The following COL24A1 variants were observed in gnomAD, a reference collection of about 807,000 sequenced individuals.
The protein encoded by COL24A1 is collagen type XXIV alpha 1 chain, also known as collagen alpha-1(XXIV) chain.
A neutral mutation model predicts 253.9 loss-of-function variants in COL24A1; 224 were observed. That is an observed-to-expected ratio of 0.88 (90% CI 0.79 to 0.99). COL24A1 has a LOEUF of 0.99. Among genes scored for constraint, COL24A1 ranks in the 50% least tolerant of loss-of-function variants. The probability of loss-of-function intolerance (pLI) is 0.00; values close to 1 mark genes in which losing one functional copy is unlikely to be tolerated. For missense variants in COL24A1, 2,131 were observed against 2,068.5 expected (o/e 1.03, Z -0.59); for synonymous variants, 685 against 673.7 (o/e 1.02, Z -0.26).
intron 10 of COL24A1, among the ~76,000 whole-genome samples, chr1:86,055,615 C>A (rs1245676894): frequency 6.6e-6 from 1 of 152,134 alleles, no homozygotes; most frequent in East Asian, 1.9e-4. Flanking sequence ...AGTTATTGAA[C>A]AGAAGACACT....
chr1:86,142,760 G>T (rs951852498), intron 2 of COL24A1, among the ~76,000 whole-genome samples: 3 of 152,026 alleles, frequency 2.0e-5, no homozygotes, highest in Non-Finnish European at 1.5e-5. Context: ...AAAACATAAC[G>T]CAGGAAAATT....
At chr1:85,734,443 C>T in intron 59 of COL24A1, among the ~76,000 whole-genome samples, 1 of 152,132 alleles carries the variant, frequency 6.6e-6, no homozygotes, top group East Asian at 1.9e-4. Context: ...ATCTATCTGT[C>T]TATCTATCCA....
intron 19 of COL24A1, among the ~76,000 whole-genome samples, chr1:86,008,776 A>G (rs1696213877): frequency 6.6e-6 from 1 of 152,194 alleles, no homozygotes; most frequent in African/African-American, 2.4e-5. Flanking sequence ...ACTAAAAAAA[A>G]AGAAACCATT....
intron 14 of COL24A1, chr1:86,030,681 G>A (rs938747060): frequency 6.6e-6 from 1 of 152,172 alleles, no homozygotes; most frequent in Non-Finnish European, 1.5e-5. Context: ...GAAACTAAAT[G>A]GCAGGGAGGG....
intron 7 of COL24A1, among the ~76,000 whole-genome samples, chr1:86,071,855 G>T (rs186935981): frequency 7.2e-5 from 11 of 152,198 alleles, no homozygotes; most frequent in African/African-American, 2.4e-4. Flanking sequence ...GCAGCCCATG[G>T]AGGGCAAGCA....
chr1:85,896,380 C>T lies in COL24A1; in HGVS notation c.2808G>A (p.Gly936=), dbSNP rs746260386. 22 of 1,613,440 alleles carry T rather than the reference C, an allele frequency of 1.4e-5. No homozygotes were observed. The highest frequency in any genetic ancestry group is 1.6e-4 in the Middle Eastern group (1 of 6,062). Residue 936 remains glycine (G), a synonymous_variant, in exon 29 of 60, where the codon GGG becomes GGA. Transcript: ENST00000370571. ...RGSRGPDGLL[G]EQGIQGAKGE... ...CCTTGGCACCTTGTATACCTTGTTC[C>T]CCTAAGAGACCATCTGGTCCTCTTG... is the stretch of plus-strand genomic sequence containing the variant.
chr1:85,858,522 A>G (rs945304470), intron 37 of COL24A1, among the ~76,000 whole-genome samples: 7 of 152,066 alleles, frequency 4.6e-5, no homozygotes, highest in African/African-American at 1.7e-4. Flanking sequence ...GCCTGGCTCA[A>G]TGCAGCCTCA....
intron 5 of COL24A1, among the ~76,000 whole-genome samples, chr1:86,096,088 C>T (rs1210870195): frequency 2.0e-5 from 3 of 151,998 alleles, no homozygotes; most frequent in African/African-American, 4.8e-5. Flanking sequence ...TCTGTAAACT[C>T]GTATTAATAA....
chr1:85,818,044 G>T lies in COL24A1; in HGVS notation c.3833C>A (p.Pro1278His), dbSNP rs1212773105. ...KKGAPGPSGK[P>H]GIPGLQGLLG... ...AGGCCTGTTACTTACAGGAATCCCA[G>T]GTTTCCCAGAAGGACCAGGAGCTCC... is the stretch of plus-strand genomic sequence containing the variant. The change falls in exon 46 of 60, where the codon CCT (proline) becomes CAT (histidine). Residue 1278 changes from proline (P) to histidine (H), a missense_variant. Physicochemically the swap from Pro to His is moderately conservative, Grantham distance 77. Transcript: ENST00000370571. The T allele has an allele frequency of 6.2e-7, 1 of 1,613,570 alleles. No homozygotes were observed.
In COL24A1 at chr1:86,156,362, T is replaced by A; in HGVS notation, c.35A>T (p.Lys12Ile). ...TTACGTTTTTGCCGTGGGGGAGACTTTTCCACGCCTTGTTCTGTGGGCTCT... is the reference window on the plus strand; with the variant it reads ...TTACGTTTTTGCCGTGGGGGAGACTATTCCACGCCTTGTTCTGTGGGCTCT... ...HLRAHRTRRG[K>I]VSPTAKTKSL... The change falls in exon 1 of 60, where the codon AAA (lysine) becomes ATA (isoleucine). Residue 12 changes from lysine (K) to isoleucine (I), a missense_variant. Lys to Ile is a moderately radical substitution (Grantham distance 102). Coordinates refer to ENST00000370571, the MANE Select transcript of COL24A1 (RefSeq NM_152890.7). 6.2e-7 allele frequency: 1 copy of A among 1,612,872 alleles called. No individual in the cohort carries two copies. Among genetic ancestry groups the A allele is most frequent in the Non-Finnish European group, 8.5e-7 (1 of 1,179,506 alleles).
rs187279475 is a variant in COL24A1 at position 85,947,185 on chromosome 1, A to C, written c.2562+14064T>G. Among the ~76,000 whole-genome samples the C allele has an allele frequency of 1.8e-3, 279 of 152,368 alleles. 1 individual carries two copies. Among genetic ancestry groups the C allele is most frequent in the Non-Finnish European group, 3.1e-3 (210 of 68,036 alleles). ...TGTTTTAGATTTACCTACTAAAACTAGATGAGCACAAAGTGGTCTTGACAA... is the reference window on the plus strand; with the variant it reads ...TGTTTTAGATTTACCTACTAAAACTCGATGAGCACAAAGTGGTCTTGACAA... On this transcript the variant is annotated intron_variant, in intron 24 of 59. Transcript: ENST00000370571.
intron 32 of COL24A1, among the ~76,000 whole-genome samples, chr1:85,886,721 A>G (rs1175594757): frequency 1.3e-5 from 2 of 152,126 alleles, no homozygotes; most frequent in Non-Finnish European, 2.9e-5. Context: ...TGTATTTCTC[A>G]TTATATCTGT....
At chr1:85,882,378 T>A (rs1681953151) in intron 32 of COL24A1, among the ~76,000 whole-genome samples, 1 of 151,976 alleles carries the variant, frequency 6.6e-6, no homozygotes. Context: ...GGAAGGAGAA[T>A]GGCGCGAACC....
intron 24 of COL24A1, among the ~76,000 whole-genome samples, chr1:85,948,802 T>C (rs1689604231): frequency 6.6e-6 from 1 of 151,392 alleles, no homozygotes; most frequent in African/African-American, 2.4e-5. Context: ...TTGATGAACA[T>C]TGATGCAAGC....
chr1:85,979,581 T>TA (rs1693036320), intron 20 of COL24A1, among the ~76,000 whole-genome samples: 1 of 151,948 alleles, frequency 6.6e-6, no homozygotes, highest in Non-Finnish European at 1.5e-5. Flanking sequence ...CTAGAAAACT[T>TA]AGAGGAGATG....
intron 38 of COL24A1, among the ~76,000 whole-genome samples, chr1:85,849,027 G>A (rs1383354895): frequency 6.6e-6 from 1 of 152,088 alleles, no homozygotes; most frequent in Non-Finnish European, 1.5e-5. Flanking sequence ...AGTTGTCATT[G>A]AAAAGCACAA....
intron 19 of COL24A1, among the ~76,000 whole-genome samples, chr1:86,002,980 C>T (rs1004556176): frequency 1.3e-5 from 2 of 152,134 alleles, no homozygotes; most frequent in African/African-American, 4.8e-5. Context: ...AGGGCAACAT[C>T]ATAAGTCTAG....
At chr1:86,001,373 C>G (rs1269027621) in intron 19 of COL24A1, among the ~76,000 whole-genome samples, 2 of 152,180 alleles carry the variant, frequency 1.3e-5, no homozygotes, top group African/African-American at 4.8e-5. Context: ...AACTAGAAGT[C>G]ACTAGCAAGA....
chr1:85,797,897 A>G (rs1671001151), intron 47 of COL24A1, among the ~76,000 whole-genome samples: 3 of 152,174 alleles, frequency 2.0e-5, no homozygotes, highest in Admixed American at 6.6e-5. Flanking sequence ...ATCATTCCAT[A>G]AAAAGTATAA....
Sources: allele counts gnomAD v4.1 joint callset (sites outside exome capture counted in the v4.1 genomes callset), GRCh38; gene constraint gnomAD v4.1.1; transcripts MANE v1.5; gene names NCBI Gene and HGNC (gene_info 2026-07-23, HGNC 2026-07-21).